The following MYOM1 variants were observed in gnomAD, a reference collection of about 807,000 sequenced individuals.
MYOM1 encodes myomesin-1.
MYOM1 carries 164 observed loss-of-function variants against 205.3 expected under a neutral mutation model. The observed-to-expected ratio is 0.80, with a 90% CI of 0.70 to 0.91. MYOM1 has a LOEUF of 0.91. Among genes scored for constraint, MYOM1 ranks in the 40% least tolerant of loss-of-function variants. The probability of loss-of-function intolerance (pLI) is 0.00; values close to 1 mark genes in which losing one functional copy is unlikely to be tolerated. For synonymous variants in MYOM1, 772 were observed against 789.4 expected (o/e 0.98, Z 0.37); for missense variants, 2,011 against 2,127.3 (o/e 0.95, Z 1.08).
chr18:3,074,049 C>G (rs2078993229), intron 36 of MYOM1, among the ~76,000 whole-genome samples: 1 of 152,184 alleles, frequency 6.6e-6, no homozygotes, highest in African/African-American at 2.4e-5. Flanking sequence ...AAACATGGAG[C>G]TAGAAAAGCT....
At chr18:3,095,815 G>C (rs2079296092) in intron 25 of MYOM1, among the ~76,000 whole-genome samples, 1 of 152,166 alleles carries the variant, frequency 6.6e-6, no homozygotes. Context: ...TTTCCAGTGT[G>C]AGCAGGATGT....
At chr18:3,149,285 G>C in intron 12 of MYOM1, 84 bp from the exon 13 acceptor site, 2 of 1,156,248 alleles carry the variant, frequency 1.7e-6, no homozygotes, top group Middle Eastern at 2.0e-4. Context: ...AAAGTGGCCA[G>C]ATTAGTCACA....
At chr18:3,222,633 CTCT>C (rs2081336710), upstream of MYOM1, among the ~76,000 whole-genome samples, 1 of 152,084 alleles carries the variant, frequency 6.6e-6, no homozygotes, top group Non-Finnish European at 1.5e-5. Context: ...ATAAATGAAA[CTCT>C]TCTTCTGTAA....
chr18:3,153,345 T>C (rs2080247080), intron 11 of MYOM1, among the ~76,000 whole-genome samples: 1 of 152,224 alleles, frequency 6.6e-6, no homozygotes, highest in African/African-American at 2.4e-5. Flanking sequence ...TCGGGCCTCA[T>C]TTCCTACTTG....
intron 11 of MYOM1, 92 bp from the exon 12 acceptor site, chr18:3,151,985 T>C: frequency 7.6e-7 from 1 of 1,317,564 alleles, no homozygotes; most frequent in Admixed American, 2.3e-5. Flanking sequence ...TTGTTTCAGA[T>C]CTTCTCCCTA....
intron 36 of MYOM1, among the ~76,000 whole-genome samples, chr18:3,074,313 G>A (rs1162289292): frequency 1.3e-5 from 2 of 152,124 alleles, no homozygotes; most frequent in African/African-American, 2.4e-5. Flanking sequence ...AGGGAGTGGA[G>A]GGGAGCAGTG....
intron 9 of MYOM1, among the ~76,000 whole-genome samples, chr18:3,167,810 C>CT (rs1342816653): frequency 3.3e-5 from 5 of 152,198 alleles, no homozygotes; most frequent in African/African-American, 4.8e-5. Flanking sequence ...TTTAAATATA[C>CT]TTTAACCCAA....
At chr18:3,132,443 CCCAG>C (rs1312465158) in intron 16 of MYOM1, among the ~76,000 whole-genome samples, 1 of 152,132 alleles carries the variant, frequency 6.6e-6, no homozygotes, top group Admixed American at 6.6e-5. Context: ...AGCCACCAAG[CCCAG>C]CCAACTCATA....
intron 9 of MYOM1, 34 bp downstream of exon 9, chr18:3,168,783 A>C: frequency 6.2e-7 from 1 of 1,609,346 alleles, no homozygotes; most frequent in South Asian, 1.1e-5. Context: ...CCTTCGAATA[A>C]GAACCTAAGT....
chr18:3,187,857 CTTTTTTTTT>C (rs763218658), intron 4 of MYOM1, among the ~76,000 whole-genome samples: 1 of 124,228 alleles, frequency 8.0e-6, no homozygotes, highest in Non-Finnish European at 1.7e-5. Flanking sequence ...ATTTCTTTTT[CTTTTTTTTT>C]TTTTTTTTTT....
chr18:3,224,218 C>T (rs7238932), upstream of MYOM1, among the ~76,000 whole-genome samples: 29,519 of 151,928 alleles, frequency 0.19, 3,019 homozygotes, highest in East Asian at 0.31. Flanking sequence ...TAGTAGGTTT[C>T]GCCATGTTGG....
intron 2 of MYOM1, among the ~76,000 whole-genome samples, chr18:3,211,982 G>A (rs899159682): frequency 6.6e-5 from 10 of 152,236 alleles, no homozygotes; most frequent in Middle Eastern, 3.4e-3. Flanking sequence ...GCAGGAAAAA[G>A]TTGCTTCATT....
chr18:3,240,845 G>C, the MYOM1 span, among the ~76,000 whole-genome samples: 4 of 152,230 alleles, frequency 2.6e-5, no homozygotes, highest in African/African-American at 7.2e-5. Context: ...AATCCAGGTT[G>C]AGGTGGTCTC....
intron 16 of MYOM1, among the ~76,000 whole-genome samples, chr18:3,133,583 C>T (rs2079908637): frequency 6.6e-6 from 1 of 152,050 alleles, no homozygotes; most frequent in Non-Finnish European, 1.5e-5. Context: ...TGTAAAATTT[C>T]GATACTTTTT....
the MYOM1 span, among the ~76,000 whole-genome samples, chr18:3,229,907 C>T: frequency 3.3e-4 from 43 of 129,432 alleles, 1 homozygote; most frequent in Admixed American, 3.2e-3. Context: ...ACCCAGGAGG[C>T]GGAGGTTGCA....
At chr18:3,223,852 T>A (rs1662309), upstream of MYOM1, among the ~76,000 whole-genome samples, 483 of 152,224 alleles carry the variant, frequency 3.2e-3, 3 homozygotes, top group African/African-American at 0.011. Flanking sequence ...TTTCAATATG[T>A]TATTGTTTCT....
In MYOM1 at chr18:3,142,028, C is replaced by T; in HGVS notation, c.1936G>A (p.Val646Ile). 1 of 1,613,764 alleles carries T rather than the reference C, an allele frequency of 6.2e-7. No homozygotes were observed. The highest frequency in any genetic ancestry group is 8.5e-7 in the Non-Finnish European group (1 of 1,179,796). The change falls in exon 14 of 38, where the codon GTC becomes ATC. Residue 646 changes from valine to isoleucine, a missense_variant. By Grantham distance (29) the Val-to-Ile change is conservative (BLOSUM62 3). Transcript: ENST00000356443. ...IVPGPPTDLS[V>I]TEATRSYVVL... ...ACATAGCTCCGGGTGGCCTCAGTGA[C>T]AGAGAGGTCTGTCGGGGGGCCAGGC...
chr18:3,103,359 T>C (rs1321203322), intron 22 of MYOM1, among the ~76,000 whole-genome samples: 1 of 152,220 alleles, frequency 6.6e-6, no homozygotes, highest in African/African-American at 2.4e-5. Context: ...TTCAGGAAGA[T>C]TGGTTTTTGG....
At chr18:3,202,179 G>A (rs1272751291) in intron 2 of MYOM1, among the ~76,000 whole-genome samples, 1 of 151,774 alleles carries the variant, frequency 6.6e-6, no homozygotes, top group Non-Finnish European at 1.5e-5. Flanking sequence ...GCAATCCCTA[G>A]GAAAATAGCT....
Sources: gnomAD v4.1 joint callset for allele counts (sites outside exome capture counted in the v4.1 genomes callset) on GRCh38, gnomAD v4.1.1 for gene constraint, MANE v1.5 for transcripts, NCBI Gene and HGNC (gene_info 2026-07-23, HGNC 2026-07-21) for gene names.